Variants in LRRC18 observed in about 807,000 individuals in gnomAD.
The protein encoded by LRRC18 is leucine rich repeat containing 18.
LRRC18 carries 12 observed loss-of-function variants against 11.2 expected under a neutral mutation model. That is an observed-to-expected ratio of 1.07 (90% CI 0.69 to 1.74). LRRC18 has a LOEUF of 1.74. LRRC18 is among the 40% of genes most tolerant of loss of function. LRRC18 has a pLI of 0.00. For synonymous variants in LRRC18, 155 were observed against 130.6 expected, an observed-to-expected ratio of 1.19 and a Z score of -1.27; for missense variants, 374 against 330.5, an observed-to-expected ratio of 1.13 and a Z score of -1.02.
upstream of LRRC18, among the ~76,000 whole-genome samples, chr10:48,914,650 G>A (rs575658312): frequency 2.0e-5 from 3 of 152,320 alleles, no homozygotes; most frequent in Admixed American, 2.0e-4. Flanking sequence ...GGACTGCTGA[G>A]TTTTCCAGCC....
chr10:48,933,946 A>G, the LRRC18 span, among the ~76,000 whole-genome samples: 1 of 152,114 alleles, frequency 6.6e-6, no homozygotes, highest in South Asian at 2.1e-4. Context: ...GGAGGCACCA[A>G]GCACCAGGCA....
chr10:48,929,733 T>A, the LRRC18 span, among the ~76,000 whole-genome samples: 1 of 152,170 alleles, frequency 6.6e-6, no homozygotes, highest in Admixed American at 6.5e-5. Context: ...ATGATAAGCA[T>A]CTCAAACCCT....
chr10:48,926,159 G>T, the LRRC18 span, among the ~76,000 whole-genome samples: 21 of 152,266 alleles, frequency 1.4e-4, no homozygotes, highest in East Asian at 4.1e-3. Flanking sequence ...ACTGCCTCCC[G>T]GGAGAGGAAG....
At chr10:48,938,017 T>C in the LRRC18 span, among the ~76,000 whole-genome samples, 1 of 152,222 alleles carries the variant, frequency 6.6e-6, no homozygotes. Context: ...ACTATTTTTC[T>C]CCTGTCCTGA....
At chr10:48,913,877 G>T in exon 1 of LRRC18, 1 of 1,614,140 alleles carries the variant, frequency 6.2e-7, no homozygotes. Flanking sequence ...TGGTCATCTG[G>T]CCAATGGACT....
At chr10:48,930,804 T>C in the LRRC18 span, among the ~76,000 whole-genome samples, 1 of 152,090 alleles carries the variant, frequency 6.6e-6, no homozygotes, top group Non-Finnish European at 1.5e-5. Context: ...AAAAAATTAT[T>C]TCCCAAAAAT....
At chr10:48,924,010 C>T in the LRRC18 span, among the ~76,000 whole-genome samples, 1 of 152,230 alleles carries the variant, frequency 6.6e-6, no homozygotes, top group Admixed American at 6.5e-5. Flanking sequence ...GAGGAAGCAG[C>T]ACGGAGCTGG....
At chr10:48,932,644 A>AT in the LRRC18 span, 1 of 139,310 alleles carries the variant, frequency 7.2e-6, no homozygotes, top group Non-Finnish European at 1.6e-5. Flanking sequence ...GAGAGAGCAA[A>AT]TAAAAAAAAA....
At chr10:48,921,782 A>G in the LRRC18 span, among the ~76,000 whole-genome samples, 1 of 152,224 alleles carries the variant, frequency 6.6e-6, no homozygotes, top group Non-Finnish European at 1.5e-5. Context: ...ATACATTTCA[A>G]GATAGAAATG....
the LRRC18 span, among the ~76,000 whole-genome samples, chr10:48,923,496 G>GTATTTATATATATATATATATATATATA: frequency 4.7e-5 from 3 of 63,210 alleles, no homozygotes; most frequent in Non-Finnish European, 8.5e-5. Flanking sequence ...ATAGTTTTTA[G>GTATTTATATATATATATATATATATATA]TATATATATA....
At chr10:48,931,061 AG>A in the LRRC18 span, among the ~76,000 whole-genome samples, 1 of 150,326 alleles carries the variant, frequency 6.7e-6, no homozygotes, top group Non-Finnish European at 1.5e-5. Flanking sequence ...CAGAAAAAAA[AG>A]GTACAAACAC....
the LRRC18 span, among the ~76,000 whole-genome samples, chr10:48,926,483 CA>C: frequency 6.6e-6 from 1 of 152,194 alleles, no homozygotes. Context: ...ATTGAGGAGA[CA>C]GAGAGGCAGC....
chr10:48,931,421 A>G, the LRRC18 span, among the ~76,000 whole-genome samples: 2 of 152,074 alleles, frequency 1.3e-5, no homozygotes, highest in African/African-American at 4.8e-5. Flanking sequence ...CTCCAGAGGT[A>G]CTCTATCAGA....
chr10:48,938,497 A>T, the LRRC18 span, among the ~76,000 whole-genome samples: 1 of 152,234 alleles, frequency 6.6e-6, no homozygotes, highest in Non-Finnish European at 1.5e-5. Flanking sequence ...ATGGAGGAAG[A>T]GCTCTTGGAA....
At chr10:48,917,994 C>A (rs1838708194), upstream of LRRC18, among the ~76,000 whole-genome samples, 1 of 152,180 alleles carries the variant, frequency 6.6e-6, no homozygotes, top group Admixed American at 6.5e-5. Flanking sequence ...GGGTTTTACA[C>A]TGCTTTTGAA....
chr10:48,920,986 A>G, the LRRC18 span, among the ~76,000 whole-genome samples: 2 of 152,216 alleles, frequency 1.3e-5, no homozygotes, highest in African/African-American at 2.4e-5. Flanking sequence ...TAAAATGCTG[A>G]TGTAAGAAAG....
At chr10:48,931,437 C>G in the LRRC18 span, among the ~76,000 whole-genome samples, 1 of 152,296 alleles carries the variant, frequency 6.6e-6, no homozygotes, top group South Asian at 2.1e-4. Flanking sequence ...TCAGAGCCAG[C>G]CCACCCTCAG....
the LRRC18 span, among the ~76,000 whole-genome samples, chr10:48,924,634 C>A: frequency 6.6e-6 from 1 of 152,080 alleles, no homozygotes; most frequent in African/African-American, 2.4e-5. Context: ...TTTTTTTATA[C>A]TTTGGAAAAA....
At chr10:48,937,127 C>T in the LRRC18 span, among the ~76,000 whole-genome samples, 1 of 152,084 alleles carries the variant, frequency 6.6e-6, no homozygotes, top group African/African-American at 2.4e-5. Flanking sequence ...CTCCTGACCT[C>T]AGGTGATCCG....
Sources: gnomAD v4.1 joint callset for allele counts (sites outside exome capture counted in the v4.1 genomes callset) on GRCh38, gnomAD v4.1.1 for gene constraint, MANE v1.5 for transcripts, NCBI Gene and HGNC (gene_info 2026-07-23, HGNC 2026-07-21) for gene names.